MVB12B: variants seen among roughly 807,000 people sequenced by gnomAD.
The protein encoded by MVB12B is ESCRT-I complex subunit MVB12B.
MVB12B carries 16 observed loss-of-function variants against 41.6 expected under a neutral mutation model. The ratio of observed to expected loss-of-function variants is 0.38; its 90% CI spans 0.26 to 0.58. MVB12B has a LOEUF of 0.58. Ranked by LOEUF, MVB12B falls within the 20% of genes least tolerant of loss-of-function variation. MVB12B has a pLI of 0.62. For synonymous variants in MVB12B, 133 were observed against 139.7 expected (o/e 0.95, Z 0.34); for missense variants, 274 against 380.2 (o/e 0.72, Z 2.32).
intron 9 of MVB12B, among the ~76,000 whole-genome samples, chr9:126,494,001 C>G (rs1833783669): frequency 6.6e-6 from 1 of 152,170 alleles, no homozygotes; most frequent in Non-Finnish European, 1.5e-5. Context: ...TGCAGGTCCC[C>G]AGGCCTCCTT....
At chr9:126,481,305 T>G (rs1368061806) in intron 7 of MVB12B, 64 bp from the exon 8 acceptor site, 2 of 1,353,432 alleles carry the variant, frequency 1.5e-6, no homozygotes, top group African/African-American at 1.4e-5. Flanking sequence ...CATCTTCAGT[T>G]GCTGGACAAC....
intron 3 of MVB12B, among the ~76,000 whole-genome samples, chr9:126,385,944 A>G (rs1041693390): frequency 6.6e-6 from 1 of 152,178 alleles, no homozygotes; most frequent in African/African-American, 2.4e-5. Context: ...GAAACTGCGC[A>G]CTGTGGACCC....
In MVB12B at chr9:126,349,113, C is replaced by T. The variant is rs187146933; in HGVS notation, c.204+8483C>T. On this transcript the variant is annotated intron_variant, in intron 2 of 9. Coordinates refer to ENST00000361171, the MANE Select transcript of MVB12B (RefSeq NM_033446.3). ...GGAAGCACAGAGAGCCAGGGAGAAA[C>T]GAGCCAGGAAGGGCAGTGTCAAGCA... 4.0e-4 allele frequency among the ~76,000 whole-genome samples: 61 copies of T among 152,090 alleles called. 1 individual carries two copies. In the East Asian group the frequency reaches 7.8e-3, roughly 19 times the overall value.
chr9:126,438,235 C>G (rs766425972), intron 7 of MVB12B, among the ~76,000 whole-genome samples: 1 of 152,120 alleles, frequency 6.6e-6, no homozygotes, highest in African/African-American at 2.4e-5. Flanking sequence ...TAATGACCAG[C>G]GTGTTTAAAT....
chr9:126,340,757 G>T lies in MVB12B; in HGVS notation c.204+127G>T. On this transcript the variant is annotated intron_variant, in intron 2 of 9. Transcript: ENST00000361171. The surrounding 1 kb of genome is among the most constrained non-coding windows in gnomAD (Gnocchi z 4.0). ...TCCCTCTAGGAACTTAATCCAGGGA[G>T]GGCGTGGAGAGCATCCTGGTTTGGG... 1 of 1,172,832 alleles carries T rather than the reference G, an allele frequency of 8.5e-7. No homozygotes were observed. The highest frequency in any genetic ancestry group is 1.2e-6 in the Non-Finnish European group (1 of 841,510). 72.7% of individuals were successfully genotyped at this position (1,172,832 alleles called of 1,614,324 possible).
chr9:126,456,683 C>T (rs1012073047), intron 7 of MVB12B, among the ~76,000 whole-genome samples: 4 of 152,122 alleles, frequency 2.6e-5, no homozygotes, highest in Admixed American at 1.3e-4. Flanking sequence ...ACCTTGAACG[C>T]GCAGCTTCCT....
intron 6 of MVB12B, chr9:126,397,144 C>T (rs994020751): frequency 5.1e-6 from 5 of 985,382 alleles, no homozygotes; most frequent in Non-Finnish European, 6.0e-6. Context: ...GGAAAGCCCC[C>T]ACAGGAGCAG....
chr9:126,470,994 A>G (rs1833304577), intron 7 of MVB12B, among the ~76,000 whole-genome samples: 3 of 152,204 alleles, frequency 2.0e-5, no homozygotes, highest in Non-Finnish European at 2.9e-5. Flanking sequence ...TTATGTTTTT[A>G]TCTTGTTTGA....
chr9:126,350,360 T>A (rs1315440633), intron 2 of MVB12B, among the ~76,000 whole-genome samples: 1 of 152,248 alleles, frequency 6.6e-6, no homozygotes, highest in Non-Finnish European at 1.5e-5. Flanking sequence ...TTATTACTTT[T>A]TCTATCTGTG....
rs890702480 is a variant in MVB12B at position 126,436,931 on chromosome 9, T to C, written c.757+14983T>C. Reference sequence around the variant, plus strand: ...TATTTTAGGTGGACCAATTAAAACTTTGGAAGCTAATTTTTTGCTGAGCAG... The same window carrying C: ...TATTTTAGGTGGACCAATTAAAACTCTGGAAGCTAATTTTTTGCTGAGCAG... On this transcript the variant is annotated intron_variant, in intron 7 of 9. Transcript: ENST00000361171. The surrounding 1 kb of genome is among the most constrained non-coding windows in gnomAD (Gnocchi z 4.1). Among the ~76,000 whole-genome samples, 2 of 152,234 alleles carry C rather than the reference T, an allele frequency of 1.3e-5. No homozygotes were observed. The highest frequency in any genetic ancestry group is 2.9e-5 in the Non-Finnish European group (2 of 68,036).
At chr9:126,330,071 G>A (rs1360984226) in intron 1 of MVB12B, among the ~76,000 whole-genome samples, 1 of 152,136 alleles carries the variant, frequency 6.6e-6, no homozygotes, top group Non-Finnish European at 1.5e-5. Context: ...CCACTGCAGA[G>A]TGTGCTTGAC....
rs557819415 is a variant in MVB12B at position 126,397,170 on chromosome 9, T to TA, written c.662+1474dup. The TA allele has an allele frequency of 1.1e-4, 109 of 985,516 alleles. 1 individual carries two copies. In the South Asian group the frequency reaches 1.5e-3, roughly 13 times the overall value. The allele number at this position is 985,516 out of a possible 1,614,324, so 61.0% of individuals were successfully genotyped here. A position where few individuals can be genotyped will look rare whatever the true frequency, so the allele number is the denominator to read the frequency against. On this transcript the variant is annotated intron_variant, in intron 6 of 9. Coordinates refer to ENST00000361171, the MANE Select transcript of MVB12B (RefSeq NM_033446.3). ...ACAGGAGCAGTTGCCCTGAAGTTGT[T>TA]ACAGCTGCTCCCTGCTGACATCATG...
At chr9:126,351,785 G>C (rs967341736) in intron 2 of MVB12B, among the ~76,000 whole-genome samples, 1 of 152,122 alleles carries the variant, frequency 6.6e-6, no homozygotes, top group Non-Finnish European at 1.5e-5. Context: ...ACCGTGCCTG[G>C]CCCCAGTCTT....
chr9:126,482,179 A>T (rs1370271445), intron 8 of MVB12B, among the ~76,000 whole-genome samples: 3 of 123,272 alleles, frequency 2.4e-5, no homozygotes, highest in African/African-American at 8.1e-5. Context: ...CCAGCCCCCA[A>T]GGTGGCAGTG....
chr9:126,501,937 G>A (rs1021679754), intron 9 of MVB12B, among the ~76,000 whole-genome samples: 4 of 152,038 alleles, frequency 2.6e-5, no homozygotes, highest in African/African-American at 4.8e-5. Context: ...TCCTGCTGGG[G>A]CGATGTGACC....
chr9:126,434,995 G>C (rs1832430663), intron 7 of MVB12B, among the ~76,000 whole-genome samples: 2 of 152,060 alleles, frequency 1.3e-5, no homozygotes, highest in Admixed American at 1.3e-4. Context: ...GAGAGGACCT[G>C]GGTCTTAGAA....
intron 7 of MVB12B, among the ~76,000 whole-genome samples, chr9:126,477,694 G>C (rs1588201813): frequency 6.6e-6 from 1 of 152,172 alleles, no homozygotes; most frequent in East Asian, 1.9e-4. Flanking sequence ...CCTCCCACTG[G>C]CTCCCTCCCA....
chr9:126,339,806 G>A (rs915562787), intron 1 of MVB12B, among the ~76,000 whole-genome samples: 3 of 152,154 alleles, frequency 2.0e-5, no homozygotes, highest in Non-Finnish European at 2.9e-5. Flanking sequence ...GTATACCAGG[G>A]ACCTCTCCAG....
intron 2 of MVB12B, among the ~76,000 whole-genome samples, chr9:126,377,552 G>C (rs542759581): frequency 1.3e-5 from 2 of 152,260 alleles, no homozygotes; most frequent in Admixed American, 6.5e-5. Context: ...GACAGGGTAT[G>C]TGGCTTTTCA....
Sources: allele counts gnomAD v4.1 joint callset (sites outside exome capture counted in the v4.1 genomes callset), GRCh38; gene constraint gnomAD v4.1.1; non-coding constraint Gnocchi (gnomAD v3.1); transcripts MANE v1.5; gene names NCBI Gene and HGNC (gene_info 2026-07-23, HGNC 2026-07-21).